The following MED12L variants were observed in gnomAD, a reference collection of about 807,000 sequenced individuals.
The protein encoded by MED12L is mediator of RNA polymerase II transcription subunit 12-like protein.
MED12L carries 60 observed loss-of-function variants against 281.3 expected under a neutral mutation model. That is an observed-to-expected ratio of 0.21 (90% CI 0.17 to 0.26). MED12L has a LOEUF of 0.26. Ranked by LOEUF, MED12L falls within the 10% of genes least tolerant of loss-of-function variation. The probability of loss-of-function intolerance (pLI) is 1.00; values close to 1 mark genes in which losing one functional copy is unlikely to be tolerated. For synonymous variants in MED12L, 974 were observed against 987.2 expected, an observed-to-expected ratio of 0.99 and a Z score of 0.25; for missense variants, 2,146 against 2,680.9, an observed-to-expected ratio of 0.80 and a Z score of 4.41.
Position 151,297,886 on chromosome 3 carries a change from T to A in MED12L, c.2251-52173T>A, listed in dbSNP as rs193078247. Reference sequence around the variant, plus strand: ...TATACATATATACATATATATATATTATTACTCTCCTGGTTATTACTTCAT... The same window carrying A: ...TATACATATATACATATATATATATAATTACTCTCCTGGTTATTACTTCAT... On this transcript the variant is annotated intron_variant, in intron 16 of 44. Coordinates refer to ENST00000687756, the MANE Select transcript of MED12L (RefSeq NM_001393769.1). Among the ~76,000 whole-genome samples the A allele has an allele frequency of 2.1e-3, 317 of 152,204 alleles. 4 individuals carry two copies. The highest frequency in any genetic ancestry group is 0.014 in the South Asian group (66 of 4,828).
intron 16 of MED12L, among the ~76,000 whole-genome samples, chr3:151,216,874 A>G (rs1403373995): frequency 2.0e-5 from 3 of 152,126 alleles, no homozygotes; most frequent in Admixed American, 6.6e-5. Context: ...CTGTCTCTTG[A>G]CAGTTAGATG....
At chr3:151,274,172 TAATG>T (rs1341048482) in intron 16 of MED12L, among the ~76,000 whole-genome samples, 1 of 152,188 alleles carries the variant, frequency 6.6e-6, no homozygotes, top group Admixed American at 6.5e-5. Context: ...ATTAAGCAAT[TAATG>T]TGCACTTTGT....
At chr3:151,106,294 CT>C in intron 2 of MED12L, among the ~76,000 whole-genome samples, 1 of 107,478 alleles carries the variant, frequency 9.3e-6, no homozygotes, top group Non-Finnish European at 1.8e-5. Context: ...TTTCCTTTTC[CT>C]TTTCCTTTTC....
chr3:151,157,477 T>A, intron 6 of MED12L, among the ~76,000 whole-genome samples: 1 of 152,226 alleles, frequency 6.6e-6, no homozygotes, highest in African/African-American at 2.4e-5. Context: ...AATCTTGAAT[T>A]TACCATCTCT....
At chr3:151,273,919 G>GT (rs1235750234) in intron 16 of MED12L, among the ~76,000 whole-genome samples, 1 of 152,172 alleles carries the variant, frequency 6.6e-6, no homozygotes, top group East Asian at 1.9e-4. Context: ...ACTTCACTGT[G>GT]TTATGAGGCT....
intron 16 of MED12L, among the ~76,000 whole-genome samples, chr3:151,263,537 A>G (rs1577167833): frequency 6.6e-6 from 1 of 152,224 alleles, no homozygotes; most frequent in African/African-American, 2.4e-5. Flanking sequence ...ACTTTCCAAA[A>G]TATCATGAGC....
At chr3:151,240,951 C>T (rs1478535077) in intron 16 of MED12L, among the ~76,000 whole-genome samples, 4 of 152,128 alleles carry the variant, frequency 2.6e-5, no homozygotes, top group African/African-American at 9.7e-5. Context: ...ACCCTATTTG[C>T]TAATTGGTGA....
intron 16 of MED12L, among the ~76,000 whole-genome samples, chr3:151,246,525 A>T (rs1355034650): frequency 6.6e-6 from 1 of 152,184 alleles, no homozygotes; most frequent in African/African-American, 2.4e-5. Flanking sequence ...TGGGGAAAGG[A>T]TTCCCTATTT....
chr3:151,419,665 C>T (rs1329718914), intron 43 of MED12L, among the ~76,000 whole-genome samples: 2 of 151,984 alleles, frequency 1.3e-5, no homozygotes, highest in Admixed American at 6.6e-5. Context: ...CCCATACACA[C>T]CTCCTGAGAT....
chr3:151,402,001 A>T (rs1374326454), intron 39 of MED12L, among the ~76,000 whole-genome samples: 5 of 152,194 alleles, frequency 3.3e-5, no homozygotes, highest in Admixed American at 2.6e-4. Flanking sequence ...AGAAGATTGG[A>T]TGGAGGGGTG....
intron 4 of MED12L, among the ~76,000 whole-genome samples, chr3:151,126,731 C>T (rs1257930245): frequency 2.0e-5 from 3 of 152,144 alleles, no homozygotes; most frequent in African/African-American, 7.2e-5. Flanking sequence ...ACATCCATGG[C>T]CTGAAAGCAC....
chr3:151,094,887 T>C (rs2048229), intron 2 of MED12L, among the ~76,000 whole-genome samples: 89,252 of 152,080 alleles, frequency 0.59, 29,234 homozygotes, highest in African/African-American at 0.88. Context: ...TCTGTTAGTT[T>C]CAAGCCAACC....
rs554898711 is a variant in MED12L at position 151,314,110 on chromosome 3, A to G, written c.2251-35949A>G. On this transcript the variant is annotated intron_variant, in intron 16 of 44. Transcript: ENST00000687756. ...CTCTTCTTTTAAAATGATGGAAATC[A>G]TTAGAAATTACTGTTTAAGAGAAAC... Among the ~76,000 whole-genome samples the G allele has an allele frequency of 3.9e-5, 6 of 152,340 alleles. No individual in the cohort carries two copies. In the East Asian group the frequency reaches 1.2e-3, roughly 29 times the overall value.
chr3:151,380,581 T>C (rs538748538), intron 32 of MED12L, among the ~76,000 whole-genome samples: 210 of 125,558 alleles, frequency 1.7e-3, no homozygotes, highest in African/African-American at 5.8e-3. Flanking sequence ...TGGGAAACAA[T>C]AGTGAAACTC....
At chr3:151,193,836 G>T (rs1481263381) in intron 16 of MED12L, 170 bp downstream of exon 16, 4 of 523,438 alleles carry the variant, frequency 7.6e-6, no homozygotes, top group African/African-American at 5.8e-5. Flanking sequence ...ATGTACTGAG[G>T]TTGTCCGAAT....
intron 4 of MED12L, 150 bp from the exon 5 acceptor site, chr3:151,127,675 T>TG (rs1714732502): frequency 3.6e-6 from 2 of 553,264 alleles, no homozygotes; most frequent in Non-Finnish European, 6.1e-6. Flanking sequence ...AAAAACTACA[T>TG]GCACTATTTG....
rs116051109 is a variant in MED12L at position 151,204,062 on chromosome 3, A to T, written c.2250+10396A>T. Among the ~76,000 whole-genome samples the T allele has an allele frequency of 2.8e-4, 42 of 152,346 alleles. 2 individuals carry two copies. Among genetic ancestry groups the T allele is most frequent in the African/African-American group, 9.4e-4 (39 of 41,588 alleles). On this transcript the variant is annotated intron_variant, in intron 16 of 44. Transcript: ENST00000687756. ...ACTGAATGTTTGAAAGAAGCCTAGC[A>T]TGCTGGGGGACCTAACAAACATATT...
intron 16 of MED12L, among the ~76,000 whole-genome samples, chr3:151,301,210 A>G (rs1339336747): frequency 6.6e-6 from 1 of 152,168 alleles, no homozygotes; most frequent in Admixed American, 6.5e-5. Context: ...CTTTCTTTTT[A>G]TTTATTAAAG....
intron 17 of MED12L, among the ~76,000 whole-genome samples, chr3:151,354,766 A>G (rs1488146707): frequency 2.6e-5 from 4 of 152,212 alleles, no homozygotes; most frequent in Non-Finnish European, 4.4e-5. Context: ...CCTCAGCAAC[A>G]TGAATCAATC....
Sources: allele counts gnomAD v4.1 joint callset (sites outside exome capture counted in the v4.1 genomes callset), GRCh38; gene constraint gnomAD v4.1.1; transcripts MANE v1.5; gene names NCBI Gene and HGNC (gene_info 2026-07-23, HGNC 2026-07-21).